Variants in NTNG2 observed in about 807,000 individuals in gnomAD.
NTNG2 encodes the protein netrin G2.
NTNG2 carries 15 observed loss-of-function variants against 47.6 expected under a neutral mutation model. The ratio of observed to expected loss-of-function variants is 0.32; its 90% CI spans 0.21 to 0.49. NTNG2 has a LOEUF of 0.49. Ranked by LOEUF, NTNG2 falls within the 20% of genes least tolerant of loss-of-function variation. The pLI, the probability that NTNG2 is intolerant of heterozygous loss-of-function variation, is 0.99. For synonymous variants in NTNG2, 307 were observed against 324.6 expected, an observed-to-expected ratio of 0.95 and a Z score of 0.58; for missense variants, 578 against 764.6, an observed-to-expected ratio of 0.76 and a Z score of 2.88.
chr9:132,239,002 C>T (rs748074439), intron 5 of NTNG2, 102 bp from the exon 6 acceptor site: 7 of 1,229,660 alleles, frequency 5.7e-6, no homozygotes, highest in Non-Finnish European at 8.3e-6. Flanking sequence ...AGATGCCTTC[C>T]TCCGTCCCTG....
At chr9:132,189,121 G>A (rs939175304) in intron 2 of NTNG2, among the ~76,000 whole-genome samples, 1 of 123,902 alleles carries the variant, frequency 8.1e-6, no homozygotes, top group Non-Finnish European at 1.6e-5. Context: ...CTGTCACTCA[G>A]GCTGGAGTGC....
intron 5 of NTNG2, among the ~76,000 whole-genome samples, chr9:132,234,221 T>C (rs1431379386): frequency 6.6e-6 from 1 of 152,088 alleles, no homozygotes; most frequent in Non-Finnish European, 1.5e-5. Flanking sequence ...AGAGACAGGG[T>C]TTCACCATGT....
At chr9:132,206,108 C>A (rs1215211421) in intron 3 of NTNG2, among the ~76,000 whole-genome samples, 2 of 152,070 alleles carry the variant, frequency 1.3e-5, no homozygotes, top group Non-Finnish European at 2.9e-5. Context: ...GAGAGAGGAG[C>A]CACAACTGTC....
At chr9:132,185,644 C>T (rs1035470093) in intron 2 of NTNG2, among the ~76,000 whole-genome samples, 4 of 152,108 alleles carry the variant, frequency 2.6e-5, no homozygotes, top group Non-Finnish European at 4.4e-5. Flanking sequence ...GCCTTTCCCC[C>T]GCCCGCCCCC....
rs763665164 is a variant in NTNG2, at chr9:132,231,763, T to C, written c.1054+1168T>C. On this transcript the variant is annotated intron_variant, in intron 5 of 7. Coordinates refer to ENST00000393229, the MANE Select transcript of NTNG2 (RefSeq NM_032536.4). This position sits in a 1 kb window ranked among gnomAD's most constrained non-coding sequence, Gnocchi z 4.1. ...TCCACGTCCACTGCCTGGGCCCCCATGGCGCCCAGCACCCCACAGCCCACA... is the reference window on the plus strand; with the variant it reads ...TCCACGTCCACTGCCTGGGCCCCCACGGCGCCCAGCACCCCACAGCCCACA... 1 of 173,948 alleles carries C rather than the reference T, an allele frequency of 5.7e-6. No homozygotes were observed. Among genetic ancestry groups the C allele is most frequent in the Non-Finnish European group, 1.3e-5 (1 of 79,950 alleles). The allele number at this position is 173,948 out of a possible 1,614,324, so 10.8% of individuals were successfully genotyped here. A position where few individuals can be genotyped will look rare whatever the true frequency, so the allele number is the denominator to read the frequency against.
intron 2 of NTNG2, among the ~76,000 whole-genome samples, chr9:132,188,459 C>T (rs954148365): frequency 6.6e-6 from 1 of 152,196 alleles, no homozygotes; most frequent in Non-Finnish European, 1.5e-5. Context: ...TGGGCCATCC[C>T]CTGGCTTCTT....
At chr9:132,213,965 C>G (rs1039358710) in intron 3 of NTNG2, among the ~76,000 whole-genome samples, 9 of 152,208 alleles carry the variant, frequency 5.9e-5, no homozygotes, top group Non-Finnish European at 1.2e-4. Context: ...AAGTTGGGGA[C>G]TAGCTCTCCC....
At chr9:132,233,794 C>T (rs1841421895) in intron 5 of NTNG2, 1 of 152,146 alleles carries the variant, frequency 6.6e-6, no homozygotes, top group Admixed American at 6.5e-5. Context: ...GAGATGGAGG[C>T]TGTTATTTTC....
chr9:132,165,397 T>A (rs1835442587), intron 1 of NTNG2, among the ~76,000 whole-genome samples: 2 of 152,236 alleles, frequency 1.3e-5, no homozygotes. Context: ...AGACCTACCC[T>A]CTAAGAATGA....
chr9:132,187,511 G>A (rs1010142824), intron 2 of NTNG2, among the ~76,000 whole-genome samples: 7 of 151,262 alleles, frequency 4.6e-5, no homozygotes, highest in Admixed American at 1.3e-4. Context: ...GAGGGACAGC[G>A]ATCAATGAAA....
chr9:132,198,353 C>A lies in NTNG2; in HGVS notation c.601C>A (p.Arg201Ser). Residue 201 changes from arginine to serine, a missense_variant, in exon 3 of 8, where the codon CGC (arginine) becomes AGC (serine). Physicochemically the swap from Arg to Ser is moderately radical, Grantham distance 110. Transcript: ENST00000393229. Reference sequence around the variant, plus strand: ...CGTGCTCTGCACCGAGGAGTACTCGCGCTGGGCAGGCTCCAAGAAGGAGAA... The same window carrying A: ...CGTGCTCTGCACCGAGGAGTACTCGAGCTGGGCAGGCTCCAAGAAGGAGAA... Reference protein sequence around the residue: ...HRVLCTEEYSRWAGSKKEKHV... With the variant: ...HRVLCTEEYSSWAGSKKEKHV... The A allele has an allele frequency of 6.2e-7, 1 of 1,612,898 alleles. No homozygotes were observed. Among genetic ancestry groups the A allele is most frequent in the East Asian group, 2.2e-5 (1 of 44,880 alleles).
At chr9:132,189,527 C>T (rs1285633810) in intron 2 of NTNG2, among the ~76,000 whole-genome samples, 2 of 152,132 alleles carry the variant, frequency 1.3e-5, no homozygotes, top group African/African-American at 4.8e-5. Flanking sequence ...TTCCTCCGGG[C>T]ATTGGGAGGG....
chr9:132,195,732 C>T (rs1051267826), intron 2 of NTNG2, among the ~76,000 whole-genome samples: 6 of 150,920 alleles, frequency 4.0e-5, no homozygotes, highest in African/African-American at 1.5e-4. Flanking sequence ...TGGGCTCAAG[C>T]AATCTCCAGC....
chr9:132,197,996 G>A lies in NTNG2; in HGVS notation c.244G>A (p.Asp82Asn). The A allele has an allele frequency of 6.2e-7, 1 of 1,613,264 alleles. No homozygotes were observed. The highest frequency in any genetic ancestry group is 1.1e-5 in the South Asian group (1 of 91,062). ...ENPYLCSNEC[D>N]ASNPDLAHPP... ...TCCCTACCTATGCAGCAACGAGTGT[G>A]ACGCCTCCAACCCGGACCTGGCCCA... Residue 82 changes from aspartate to asparagine, a missense_variant, in exon 3 of 8, where the codon GAC (aspartate) becomes AAC (asparagine). Coordinates refer to ENST00000393229, the MANE Select transcript of NTNG2 (RefSeq NM_032536.4). The surrounding 1 kb of genome is among the most constrained non-coding windows in gnomAD (Gnocchi z 4.3).
chr9:132,230,627 C>T (rs1388864543), intron 5 of NTNG2, 32 bp downstream of exon 5: 12 of 1,598,712 alleles, frequency 7.5e-6, no homozygotes, highest in Non-Finnish European at 1.0e-5. Flanking sequence ...GTGGCCAGGG[C>T]CCCCACTGCA....
chr9:132,239,094 G>C lies in NTNG2; in HGVS notation c.1055-10G>C. The stretch of plus-strand genomic sequence containing the variant: ...TGACCATTGGTATTTCTCCCACTTG[G>C]CCGGCCCAGACTGCGAATGCTACGG... On this transcript the variant is annotated splice_polypyrimidine_tract_variant and intron_variant, in intron 5 of 7. Coordinates refer to ENST00000393229, the MANE Select transcript of NTNG2 (RefSeq NM_032536.4). 1 of 1,609,594 alleles carries C rather than the reference G, an allele frequency of 6.2e-7. No individual in the cohort carries two copies. The highest frequency in any genetic ancestry group is 1.7e-4 in the Middle Eastern group (1 of 6,042).
At chr9:132,240,866 C>T (rs757107490) in intron 6 of NTNG2, 44 bp from the exon 7 acceptor site, 9 of 1,611,782 alleles carry the variant, frequency 5.6e-6, no homozygotes, top group African/African-American at 2.7e-5. Context: ...AAGACGGCGC[C>T]CACACGTAGC....
chr9:132,214,069 G>A (rs1293500595), intron 3 of NTNG2, among the ~76,000 whole-genome samples: 1 of 152,182 alleles, frequency 6.6e-6, no homozygotes, highest in Non-Finnish European at 1.5e-5. Context: ...CAGCCCTGGG[G>A]CCTCCTCCTC....
Position 132,214,879 on chromosome 9 carries a change from T to A in NTNG2, c.858-11970T>A, listed in dbSNP as rs1436528625. On this transcript the variant is annotated intron_variant, in intron 3 of 7. Transcript: ENST00000393229. Reference sequence around the variant, plus strand: ...TTATCTAAAATTCAAAAAAAATTTTTTTTTTTTTTAGAGACAGGGTCTTGC... The same window carrying A: ...TTATCTAAAATTCAAAAAAAATTTTATTTTTTTTTAGAGACAGGGTCTTGC... Among the ~76,000 whole-genome samples the A allele has an allele frequency of 3.6e-3, 548 of 152,168 alleles. 3 individuals carry two copies. Among genetic ancestry groups the A allele is most frequent in the African/African-American group, 0.012 (506 of 41,506 alleles).
Sources: allele counts gnomAD v4.1 joint callset (sites outside exome capture counted in the v4.1 genomes callset), GRCh38; gene constraint gnomAD v4.1.1; non-coding constraint Gnocchi (gnomAD v3.1); transcripts MANE v1.5; gene names NCBI Gene and HGNC (gene_info 2026-07-23, HGNC 2026-07-21).